CERT1: variants seen among roughly 807,000 people sequenced by gnomAD.
CERT1 encodes the protein ceramide transfer protein.
A neutral mutation model predicts 87.9 loss-of-function variants in CERT1; 31 were observed. The ratio of observed to expected loss-of-function variants is 0.35; its 90% CI spans 0.27 to 0.48. The LOEUF (loss-of-function observed/expected upper bound fraction) is 0.48, where lower values mean the gene tolerates loss of function less well. Among genes scored for constraint, CERT1 ranks in the 20% least tolerant of loss-of-function variants. The probability of loss-of-function intolerance (pLI) is 0.99; values close to 1 mark genes in which losing one functional copy is unlikely to be tolerated. For missense variants in CERT1, 487 were observed against 758.0 expected (o/e 0.64, Z 4.20); for synonymous variants, 289 against 250.9 (o/e 1.15, Z -1.44).
At chr5:75,376,757 C>G (rs187072092), downstream of CERT1, 156 of 152,200 alleles carry the variant, frequency 1.0e-3, 1 homozygote, top group Admixed American at 7.4e-3. Context: ...TTTCAAATAC[C>G]CTTTTTCCTG....
chr5:75,391,147 G>C (rs1398079617), intron 11 of CERT1, among the ~76,000 whole-genome samples: 1 of 152,138 alleles, frequency 6.6e-6, no homozygotes, highest in Non-Finnish European at 1.5e-5. Flanking sequence ...TGTAGAGACA[G>C]GGTCTCGCCA....
intron 3 of CERT1, among the ~76,000 whole-genome samples, chr5:75,457,762 G>A (rs1765048447): frequency 6.6e-6 from 1 of 151,722 alleles, no homozygotes; most frequent in Non-Finnish European, 1.5e-5. Context: ...GTGTGTGGGT[G>A]TAGGGGTGTG....
rs1016443351 is a variant in CERT1 at position 75,511,358 on chromosome 5, CCCGCCGCGCCG to C, written c.-162_-152del. 6.5e-6 allele frequency: 10 copies of C among 1,545,096 alleles called. No individual in the cohort carries two copies. The highest frequency in any genetic ancestry group is 1.4e-5 in the African/African-American group (1 of 72,918). ...GGAGCAGGAGGAGGGACGAAGTCCG[CCCGCCGCGCCG>C]CCGCCGCGCCTGACACCGAGCGGAG... On this transcript the variant is annotated 5_prime_UTR_variant, in exon 1 of 17. Coordinates refer to ENST00000643780, the MANE Select transcript of CERT1 (RefSeq NM_001379029.1).
chr5:75,369,812 G>GA (rs1761020604), intron 17 of CERT1: 2 of 152,214 alleles, frequency 1.3e-5, no homozygotes, highest in Non-Finnish European at 2.9e-5. Flanking sequence ...TAGGAAGAGA[G>GA]AATGAAGAGG....
intron 2 of CERT1, among the ~76,000 whole-genome samples, chr5:75,477,647 T>TAAAAAAAAAAA (rs540588442): frequency 3.4e-5 from 3 of 89,518 alleles, no homozygotes; most frequent in African/African-American, 4.3e-5. Flanking sequence ...TAATAAGTTG[T>TAAAAAAAAAAA]AAAAAAAAAA....
intron 2 of CERT1, among the ~76,000 whole-genome samples, chr5:75,501,055 C>T (rs1767345496): frequency 6.6e-6 from 1 of 151,698 alleles, no homozygotes; most frequent in South Asian, 2.1e-4. Context: ...ATGGCATCAC[C>T]TTGGCTCCAC....
intron 2 of CERT1, among the ~76,000 whole-genome samples, chr5:75,478,647 T>A (rs572041387): frequency 6.6e-6 from 1 of 152,092 alleles, no homozygotes; most frequent in Non-Finnish European, 1.5e-5. Flanking sequence ...AGCAGAAGAC[T>A]AGAGGTTTTC....
At position 75,417,010 on chromosome 5, in the gene CERT1, C is replaced by A; in HGVS notation, c.703G>T (p.Gly235Ter). ...EKLFPHVTPKGINGIDFKGEA... is the reference protein window; with the variant it reads ...EKLFPHVTPK ...CCTTTAAAGTCTATACCATTAATTC[C>A]TTTTGGTGTCACATGTGGAAATACT... The change falls in exon 7 of 17, where the codon GGA becomes TGA. Residue 235 changes from glycine to a stop codon, truncating the protein, a stop_gained. Coordinates refer to ENST00000643780, the MANE Select transcript of CERT1 (RefSeq NM_001379029.1). LOFTEE classifies it high-confidence loss of function. 6.2e-7 allele frequency: 1 copy of A among 1,605,090 alleles called. No individual in the cohort carries two copies.
intron 2 of CERT1, among the ~76,000 whole-genome samples, chr5:75,464,617 G>T (rs1765384215): frequency 6.6e-6 from 1 of 152,106 alleles, no homozygotes; most frequent in African/African-American, 2.4e-5. Flanking sequence ...GTCTCACTTT[G>T]TGACCTAGGC....
At chr5:75,422,291 C>T (rs1763415955) in intron 5 of CERT1, among the ~76,000 whole-genome samples, 1 of 152,042 alleles carries the variant, frequency 6.6e-6, no homozygotes, top group Admixed American at 6.6e-5. Context: ...ACCCCTTTAC[C>T]ATAACCTTCC....
At chr5:75,430,973 C>T (rs1380918135) in intron 3 of CERT1, among the ~76,000 whole-genome samples, 1 of 152,210 alleles carries the variant, frequency 6.6e-6, no homozygotes, top group East Asian at 1.9e-4. Context: ...TCCAGAAGTT[C>T]GAGATAGCAC....
intron 16 of CERT1, 92 bp from the exon 17 acceptor site, chr5:75,379,565 C>A: frequency 8.4e-7 from 1 of 1,186,866 alleles, no homozygotes; most frequent in Non-Finnish European, 1.2e-6. Context: ...TTAAAATATT[C>A]CTCACATTGG....
At chr5:75,447,011 A>AT (rs909865111) in intron 3 of CERT1, among the ~76,000 whole-genome samples, 2 of 152,142 alleles carry the variant, frequency 1.3e-5, no homozygotes, top group African/African-American at 4.8e-5. Context: ...CAGAGCATAG[A>AT]TCCCTAGTAT....
In CERT1 at chr5:75,396,669, C is replaced by T. The variant is rs575253165; in HGVS notation, c.1188+2641G>A. ...GCTTGAATCCAGGGGGCAGAGGGTGCAGTGAGCCAAGATCGTACCATTGCA... is the reference window on the plus strand; with the variant it reads ...GCTTGAATCCAGGGGGCAGAGGGTGTAGTGAGCCAAGATCGTACCATTGCA... On this transcript the variant is annotated intron_variant, in intron 11 of 16. Coordinates refer to ENST00000643780, the MANE Select transcript of CERT1 (RefSeq NM_001379029.1). 6.2e-5 allele frequency among the ~76,000 whole-genome samples: 9 copies of T among 144,180 alleles called. No individual in the cohort carries two copies. In the South Asian group the frequency reaches 1.5e-3, roughly 25 times the overall value. 94.6% of individuals were successfully genotyped at this position (144,180 alleles called of 152,430 possible).
At chr5:75,381,797 G>T in intron 15 of CERT1, 152 bp downstream of exon 15, 1 of 712,042 alleles carries the variant, frequency 1.4e-6, no homozygotes, top group African/African-American at 1.8e-5. Context: ...CAACACATGG[G>T]CTATACTGTT....
At chr5:75,437,995 T>G (rs75375100) in intron 3 of CERT1, among the ~76,000 whole-genome samples, 1,739 of 152,248 alleles carry the variant, frequency 0.011, 9 homozygotes, top group Non-Finnish European at 0.019. Context: ...ATGCTGTCAT[T>G]GTGTGAAATT....
In CERT1 at chr5:75,511,356, C is replaced by A. The variant is rs1767983675; in HGVS notation, c.-149G>T. ...GGGGAGCAGGAGGAGGGACGAAGTC[C>A]GCCCGCCGCGCCGCCGCCGCGCCTG... On this transcript the variant is annotated 5_prime_UTR_variant, in exon 1 of 17. Transcript: ENST00000643780. 1.9e-6 allele frequency: 3 copies of A among 1,541,962 alleles called. No individual in the cohort carries two copies. Among genetic ancestry groups the A allele is most frequent in the Non-Finnish European group, 2.6e-6 (3 of 1,145,700 alleles).
chr5:75,491,690 A>C (rs1183972082), intron 2 of CERT1, among the ~76,000 whole-genome samples: 1 of 152,152 alleles, frequency 6.6e-6, no homozygotes, highest in African/African-American at 2.4e-5. Flanking sequence ...CCTTTTTCTT[A>C]CATGATTATT....
At chr5:75,432,433 A>G (rs781490782) in intron 3 of CERT1, among the ~76,000 whole-genome samples, 1 of 152,184 alleles carries the variant, frequency 6.6e-6, no homozygotes, top group Non-Finnish European at 1.5e-5. Flanking sequence ...GATTGGTGAG[A>G]TGGTTCTGAT....
Sources: allele counts gnomAD v4.1 joint callset (sites outside exome capture counted in the v4.1 genomes callset), GRCh38; gene constraint gnomAD v4.1.1; transcripts MANE v1.5; gene names NCBI Gene and HGNC (gene_info 2026-07-23, HGNC 2026-07-21).